PDE9A: variants seen among roughly 807,000 people sequenced by gnomAD.
PDE9A encodes the protein high affinity cGMP-specific 3',5'-cyclic phosphodiesterase 9A.
A neutral mutation model predicts 87.4 loss-of-function variants in PDE9A; 60 were observed. The ratio of observed to expected loss-of-function variants is 0.69; its 90% CI spans 0.56 to 0.85. The LOEUF (loss-of-function observed/expected upper bound fraction) is 0.85. PDE9A is among the 40% of genes least tolerant of loss of function. PDE9A has a pLI of 0.00. For synonymous variants in PDE9A, 272 were observed against 279.4 expected (o/e 0.97, Z 0.27); for missense variants, 665 against 779.0 (o/e 0.85, Z 1.74).
intron 2 of PDE9A, 127 bp from the exon 3 acceptor site, chr21:42,687,790 C>A: frequency 1.3e-6 from 1 of 743,456 alleles, no homozygotes. Context: ...CCCATCCCAC[C>A]ACACCTTGGT....
chr21:42,689,676 C>A, intron 3 of PDE9A: 2 of 985,402 alleles, frequency 2.0e-6, no homozygotes, highest in Non-Finnish European at 2.4e-6. Context: ...AATTCTCTGG[C>A]CCCAGGTGCC....
chr21:42,706,135 G>A (rs1020171341), intron 4 of PDE9A, among the ~76,000 whole-genome samples: 5 of 152,162 alleles, frequency 3.3e-5, no homozygotes, highest in Admixed American at 6.5e-5. Flanking sequence ...ATGGAACCCC[G>A]GAGCTGCCCC....
intron 4 of PDE9A, among the ~76,000 whole-genome samples, chr21:42,721,172 C>T (rs2050486557): frequency 6.6e-6 from 1 of 152,114 alleles, no homozygotes; most frequent in Admixed American, 6.5e-5. Flanking sequence ...CATTTTTCTG[C>T]CTGCAAACTA....
chr21:42,670,796 TTCAC>T (rs2058519606), intron 1 of PDE9A, among the ~76,000 whole-genome samples: 3 of 151,974 alleles, frequency 2.0e-5, no homozygotes, highest in Non-Finnish European at 2.9e-5. Context: ...TATACATACA[TTCAC>T]TCACACATAC....
intron 1 of PDE9A, among the ~76,000 whole-genome samples, chr21:42,672,925 A>G (rs759401975): frequency 3.3e-5 from 5 of 152,154 alleles, no homozygotes; most frequent in Non-Finnish European, 7.3e-5. Flanking sequence ...AACACCCAGA[A>G]ATGCTGACAT....
intron 19 of PDE9A, among the ~76,000 whole-genome samples, chr21:42,774,987 G>T (rs1318759882): frequency 6.6e-6 from 1 of 150,786 alleles, no homozygotes; most frequent in Non-Finnish European, 1.5e-5. Flanking sequence ...TGTTGCCCAG[G>T]CTGGAGTGCA....
chr21:42,751,646 A>G (rs1448746777), intron 9 of PDE9A, among the ~76,000 whole-genome samples: 1 of 152,026 alleles, frequency 6.6e-6, no homozygotes, highest in Admixed American at 6.6e-5. Flanking sequence ...TGAAGTAGCA[A>G]TGGCATTTTT....
intron 4 of PDE9A, among the ~76,000 whole-genome samples, chr21:42,718,655 CCT>C (rs759146022): frequency 6.6e-6 from 1 of 151,296 alleles, no homozygotes; most frequent in African/African-American, 2.4e-5. Context: ...TCGAGACTCC[CCT>C]CTGTTTACGA....
intron 1 of PDE9A, among the ~76,000 whole-genome samples, chr21:42,670,172 C>A (rs1055867014): frequency 6.8e-6 from 1 of 148,110 alleles, no homozygotes; most frequent in African/African-American, 2.6e-5. Flanking sequence ...CACATTCACA[C>A]GCACACATAC....
Position 42,689,578 on chromosome 21 carries a change from C to G in PDE9A, c.218+1584C>G, listed in dbSNP as rs140727483. 7,293 of 985,444 alleles carry G rather than the reference C, an allele frequency of 7.4e-3. 36 individuals carry two copies. The highest frequency in any genetic ancestry group is 0.011 in the Middle Eastern group (22 of 1,914). 61.0% of individuals were successfully genotyped at this position (985,444 alleles called of 1,614,324 possible). On this transcript the variant is annotated intron_variant, in intron 3 of 19. Coordinates refer to ENST00000291539, the MANE Select transcript of PDE9A (RefSeq NM_002606.3). ...ATGCCAGCTGGGTATCTGAGAGAAACTGCTTTGTTTTCCTGAAGTCATTTG... is the reference window on the plus strand; with the variant it reads ...ATGCCAGCTGGGTATCTGAGAGAAAGTGCTTTGTTTTCCTGAAGTCATTTG...
At chr21:42,661,587 C>A (rs537687027) in intron 1 of PDE9A, among the ~76,000 whole-genome samples, 1 of 152,126 alleles carries the variant, frequency 6.6e-6, no homozygotes, top group East Asian at 1.9e-4. Context: ...TAAGGCCGAG[C>A]GGTATTCCAT....
intron 4 of PDE9A, among the ~76,000 whole-genome samples, chr21:42,708,917 C>T (rs2146432935): frequency 6.6e-6 from 1 of 152,198 alleles, no homozygotes; most frequent in Non-Finnish European, 1.5e-5. Context: ...ACCACCCAAA[C>T]CAGAAATACC....
At chr21:42,719,639 CAAAAAAAAAAAA>C (rs35644198) in intron 4 of PDE9A, among the ~76,000 whole-genome samples, 1 of 131,150 alleles carries the variant, frequency 7.6e-6, no homozygotes, top group Non-Finnish European at 1.7e-5. Context: ...GAGTCTGTCT[CAAAAAAAAAAAA>C]AAAAAAAAAA....
Position 42,700,248 on chromosome 21 carries a change from A to G in PDE9A, c.262+1237A>G, listed in dbSNP as rs80169965. On this transcript the variant is annotated intron_variant, in intron 4 of 19. Transcript: ENST00000291539. Reference sequence around the variant, plus strand: ...TAGGTTGTACCACAGGGCGTCTTCCATTCACTGTGGATGGACATTTGGGTT... The same window carrying G: ...TAGGTTGTACCACAGGGCGTCTTCCGTTCACTGTGGATGGACATTTGGGTT... Among the ~76,000 whole-genome samples, 1,173 of 152,190 alleles carry G rather than the reference A, an allele frequency of 7.7e-3. 17 individuals are homozygous for G. Among genetic ancestry groups the G allele is most frequent in the African/African-American group, 0.027 (1,114 of 41,476 alleles).
At chr21:42,730,929 TTTTG>T (rs1031559517) in intron 4 of PDE9A, among the ~76,000 whole-genome samples, 9 of 152,274 alleles carry the variant, frequency 5.9e-5, no homozygotes, top group African/African-American at 1.7e-4. Flanking sequence ...TCTTGAAATT[TTTTG>T]TTTGTTTGGG....
chr21:42,683,971 G>A (rs1239152667), intron 1 of PDE9A, among the ~76,000 whole-genome samples: 1 of 152,208 alleles, frequency 6.6e-6, no homozygotes, highest in Non-Finnish European at 1.5e-5. Flanking sequence ...GGAACACAGG[G>A]ACCACAGGGC....
intron 1 of PDE9A, among the ~76,000 whole-genome samples, chr21:42,656,018 C>T (rs1016902882): frequency 2.6e-5 from 4 of 152,222 alleles, no homozygotes; most frequent in Non-Finnish European, 5.9e-5. Flanking sequence ...AGTGCTGTCA[C>T]GGATGGGTTG....
chr21:42,656,863 C>G (rs2057110921), intron 1 of PDE9A, among the ~76,000 whole-genome samples: 1 of 152,216 alleles, frequency 6.6e-6, no homozygotes, highest in African/African-American at 2.4e-5. Context: ...AACCTTGGGT[C>G]AGTTACTTCA....
At chr21:42,682,642 C>T (rs1212899826) in intron 1 of PDE9A, among the ~76,000 whole-genome samples, 4 of 152,228 alleles carry the variant, frequency 2.6e-5, no homozygotes, top group African/African-American at 9.6e-5. Flanking sequence ...TTCTCAAGGC[C>T]CCCACGATAT....
Sources: allele counts gnomAD v4.1 joint callset (sites outside exome capture counted in the v4.1 genomes callset), GRCh38; gene constraint gnomAD v4.1.1; transcripts MANE v1.5; gene names NCBI Gene and HGNC (gene_info 2026-07-23, HGNC 2026-07-21).